The following KCNH2 variants were observed in gnomAD, a reference collection of about 807,000 sequenced individuals.
KCNH2 encodes potassium voltage-gated channel subfamily H member 2.
KCNH2 carries 35 observed loss-of-function variants against 95.9 expected under a neutral mutation model. The ratio of observed to expected loss-of-function variants is 0.37; its 90% CI spans 0.28 to 0.48. The LOEUF is 0.48. Among genes scored for constraint, KCNH2 ranks in the 20% least tolerant of loss-of-function variants. The pLI, the probability that KCNH2 is intolerant of heterozygous loss-of-function variation, is 0.99. For synonymous variants in KCNH2, 786 were observed against 754.7 expected (o/e 1.04, Z -0.68); for missense variants, 1,274 against 1,702.9 (o/e 0.75, Z 4.43).
At position 150,952,698 on chromosome 7, in the gene KCNH2, C is replaced by T. The variant is rs371864051; in HGVS notation, c.1284G>A (p.Ser428=). 1.5e-5 allele frequency: 25 copies of T among 1,614,070 alleles called. No homozygotes were observed. In the African/African-American group the frequency reaches 2.7e-4, roughly 17 times the overall value. ...CCGTCTCCTTCAGCAGGAAGGCAGC[C>T]GAGTAGGGTGTGAAGACAGCCGTGT... is the stretch of plus-strand genomic sequence containing the variant. ...VIYTAVFTPY[S]AAFLLKETEE... Residue 428 remains serine, a synonymous_variant, in exon 6 of 15, where the codon TCG becomes TCA. Transcript: ENST00000262186. The surrounding 1 kb of genome is among the most constrained non-coding windows in gnomAD (Gnocchi z 7.3).
At chr7:150,958,545 G>T (rs1333385089) in intron 3 of KCNH2, 43 bp from the exon 4 acceptor site, 1 of 1,452,218 alleles carries the variant, frequency 6.9e-7, no homozygotes, top group Non-Finnish European at 9.0e-7. Context: ...ATCGCGAGCA[G>T]CCCCGGAGCG....
chr7:150,954,269 G>GA (rs41307301), intron 5 of KCNH2, among the ~76,000 whole-genome samples: 66 of 142,906 alleles, frequency 4.6e-4, no homozygotes, highest in Middle Eastern at 3.6e-3. Context: ...AGTGGGGACT[G>GA]AAAAAAAAAA....
In KCNH2 at chr7:150,974,780, C is replaced by A; in HGVS notation, c.238G>T (p.Ala80Ser). The part of the protein sequence containing the change: ...HGPRTQRRAA[A>S]QIAQALLGAE... ...CCCAGCAGTGCCTGCGCGATCTGCGCGGCAGCGCGGCGCTGCGTGCGCGGC... is the reference window on the plus strand; with the variant it reads ...CCCAGCAGTGCCTGCGCGATCTGCGAGGCAGCGCGGCGCTGCGTGCGCGGC... Residue 80 changes from alanine (A) to serine (S), a missense_variant, in exon 2 of 15, where the codon GCG becomes TCG. Ala to Ser is a moderately conservative substitution (Grantham distance 99). Transcript: ENST00000262186. 1 of 1,605,444 alleles carries A rather than the reference C, an allele frequency of 6.2e-7. No homozygotes were observed.
chr7:150,957,165 G>C, intron 5 of KCNH2, 126 bp downstream of exon 5: 1 of 792,584 alleles, frequency 1.3e-6, no homozygotes, highest in South Asian at 1.5e-5. Context: ...CAACCCTCAG[G>C]TCTGCCTCCC....
intron 4 of KCNH2, among the ~76,000 whole-genome samples, chr7:150,957,781 C>A (rs1174215524): frequency 1.3e-5 from 2 of 152,208 alleles, no homozygotes; most frequent in Admixed American, 1.3e-4. Context: ...AGGCTGGGCA[C>A]GTCTCCTGCC....
Position 150,952,298 on chromosome 7 carries a change from G to C in KCNH2, c.1557+127C>G, listed in dbSNP as rs950178227. ...CTTGCCACCATGTCTCTCTCCCACT[G>C]TCTTTCTCTCTTTCTCTCTCTCTCT... On this transcript the variant is annotated intron_variant, in intron 6 of 14. Transcript: ENST00000262186. This position sits in a 1 kb window ranked among gnomAD's most constrained non-coding sequence, Gnocchi z 7.3. The C allele has an allele frequency of 3.3e-5, 33 of 1,013,362 alleles. No individual in the cohort carries two copies. The highest frequency in any genetic ancestry group is 4.4e-5 in the Non-Finnish European group (30 of 681,226). The allele number at this position is 1,013,362 out of a possible 1,614,324, so 62.8% of individuals were successfully genotyped here.
rs1327503925 is a variant in KCNH2, at chr7:150,951,091, C to T, written c.1975G>A (p.Val659Met). The change falls in exon 8 of 15, where the codon GTG becomes ATG. Residue 659 changes from valine to methionine, a missense_variant. By Grantham distance (21) the Val-to-Met change is conservative. Coordinates refer to ENST00000262186, the MANE Select transcript of KCNH2 (RefSeq NM_000238.4). ...TACAGCCGCTGGATGATGGCCGACACGTTGCCGAAGATGCTAGCATACATG... is the reference window on the plus strand; with the variant it reads ...TACAGCCGCTGGATGATGGCCGACATGTTGCCGAAGATGCTAGCATACATG... ...SLMYASIFGNVSAIIQRLYSG... is the reference protein window; with the variant it reads ...SLMYASIFGNMSAIIQRLYSG... 2 of 1,612,350 alleles carry T rather than the reference C, an allele frequency of 1.2e-6. No individual in the cohort carries two copies. Among genetic ancestry groups the T allele is most frequent in the Non-Finnish European group, 1.7e-6 (2 of 1,179,126 alleles).
chr7:150,947,090 G>A (rs1800922814), intron 13 of KCNH2, 36 bp from the exon 14 acceptor site: 1 of 1,376,502 alleles, frequency 7.3e-7, no homozygotes, highest in Non-Finnish European at 9.7e-7. Context: ...AGAGAAGTGG[G>A]GACACCAGTG....
rs922269841 is a variant in KCNH2 at position 150,946,199 on chromosome 7, A to G, written c.3330+678T>C. Among the ~76,000 whole-genome samples the G allele has an allele frequency of 6.6e-6, 1 of 151,524 alleles. No homozygotes were observed. Among genetic ancestry groups the G allele is most frequent in the East Asian group, 1.9e-4 (1 of 5,174 alleles). ...AGAGGAGTCCCCACCATGGACGCGGAGGTTGACACAGACACCGCCATCCTG... is the reference window on the plus strand; with the variant it reads ...AGAGGAGTCCCCACCATGGACGCGGGGGTTGACACAGACACCGCCATCCTG... On this transcript the variant is annotated intron_variant, in intron 14 of 14. Coordinates refer to ENST00000262186, the MANE Select transcript of KCNH2 (RefSeq NM_000238.4). The surrounding 1 kb of genome is among the most constrained non-coding windows in gnomAD (Gnocchi z 6.5).
chr7:150,965,585 A>G (rs1274859508), intron 2 of KCNH2, among the ~76,000 whole-genome samples: 1 of 142,056 alleles, frequency 7.0e-6, no homozygotes, highest in African/African-American at 2.7e-5. Flanking sequence ...CATGGCCCCC[A>G]CCCCTCTTCC....
chr7:150,955,359 G>T (rs1436229072), intron 5 of KCNH2: 1 of 1,539,854 alleles, frequency 6.5e-7, no homozygotes, highest in Non-Finnish European at 8.8e-7. Context: ...CAGTGTGCCG[G>T]CCCCAGAAAG....
chr7:150,963,552 GA>G (rs557032701), intron 2 of KCNH2, among the ~76,000 whole-genome samples: 34 of 152,172 alleles, frequency 2.2e-4, no homozygotes, highest in African/African-American at 7.9e-4. Context: ...GCTAATGCCA[GA>G]ACACTCTGCC....
chr7:150,952,996 C>G lies in KCNH2; in HGVS notation c.1129-143G>C, dbSNP rs1452860899. 2.7e-5 allele frequency: 21 copies of G among 788,566 alleles called. No individual in the cohort carries two copies. The highest frequency in any genetic ancestry group is 3.8e-5 in the Non-Finnish European group (19 of 494,294). The allele number at this position is 788,566 out of a possible 1,614,324, so 48.8% of individuals were successfully genotyped here. A position where few individuals can be genotyped will look rare whatever the true frequency, so the allele number is the denominator to read the frequency against. On this transcript the variant is annotated intron_variant, in intron 5 of 14. Transcript: ENST00000262186. The surrounding 1 kb of genome is among the most constrained non-coding windows in gnomAD (Gnocchi z 7.3). The stretch of plus-strand genomic sequence containing the variant: ...TCAGAATGCCCACCCCTCAGCCAAG[C>G]GACCACAGCAAATGGCCACCCCCAG...
At chr7:150,977,542 C>G (rs1284501948) in intron 1 of KCNH2, among the ~76,000 whole-genome samples, 1 of 152,112 alleles carries the variant, frequency 6.6e-6, no homozygotes, top group Non-Finnish European at 1.5e-5. Flanking sequence ...CACCTGCACA[C>G]TCCATCCCAC....
Position 150,945,777 on chromosome 7 carries a change from G to T in KCNH2, c.3331-263C>A, listed in dbSNP as rs930202408. Among the ~76,000 whole-genome samples, 5 of 152,202 alleles carry T rather than the reference G, an allele frequency of 3.3e-5. No homozygotes were observed. The highest frequency in any genetic ancestry group is 7.3e-5 in the Non-Finnish European group (5 of 68,032). On this transcript the variant is annotated intron_variant, in intron 14 of 14. Transcript: ENST00000262186. This position sits in a 1 kb window ranked among gnomAD's most constrained non-coding sequence, Gnocchi z 5.6. ...AGCCAAACAAGAGAGCTGGGAGCAGGGAAAACCCTAGGCCCCTGTCTCTTC... is the reference window on the plus strand; with the variant it reads ...AGCCAAACAAGAGAGCTGGGAGCAGTGAAAACCCTAGGCCCCTGTCTCTTC...
In KCNH2 at chr7:150,952,114, C is replaced by T. The variant is rs1442952414; in HGVS notation, c.1558-279G>A. ...TAGGGTGCCTGCCCACTCCCACCAGCTTCTAGGGCACTTTGGTGACGCTAC... is the reference window on the plus strand; with the variant it reads ...TAGGGTGCCTGCCCACTCCCACCAGTTTCTAGGGCACTTTGGTGACGCTAC... On this transcript the variant is annotated intron_variant, in intron 6 of 14. Transcript: ENST00000262186. This position sits in a 1 kb window ranked among gnomAD's most constrained non-coding sequence, Gnocchi z 7.3. 6.6e-6 allele frequency among the ~76,000 whole-genome samples: 1 copy of T among 152,144 alleles called. No individual in the cohort carries two copies. Among genetic ancestry groups the T allele is most frequent in the Non-Finnish European group, 1.5e-5 (1 of 67,988 alleles).
At chr7:150,953,414 C>G (rs1278421757) in intron 5 of KCNH2, among the ~76,000 whole-genome samples, 4 of 152,338 alleles carry the variant, frequency 2.6e-5, no homozygotes, top group Non-Finnish European at 4.4e-5. Context: ...ACACCTCGCT[C>G]CCTCAGCCCC....
chr7:150,959,535 C>T (rs916415623), intron 3 of KCNH2, 37 bp downstream of exon 3: 4 of 1,610,772 alleles, frequency 2.5e-6, no homozygotes, highest in Non-Finnish European at 3.4e-6. Context: ...AATGAGACCA[C>T]GAACCCCTGA....
At chr7:150,963,280 T>C (rs963312581) in intron 2 of KCNH2, among the ~76,000 whole-genome samples, 1 of 152,142 alleles carries the variant, frequency 6.6e-6, no homozygotes, top group Admixed American at 6.5e-5. Context: ...GGAGGGGGCA[T>C]GGGCTGTGGA....
Sources: gnomAD v4.1 joint callset for allele counts (sites outside exome capture counted in the v4.1 genomes callset) on GRCh38, gnomAD v4.1.1 for gene constraint, Gnocchi (gnomAD v3.1) non-coding constraint, MANE v1.5 for transcripts, NCBI Gene and HGNC (gene_info 2026-07-23, HGNC 2026-07-21) for gene names.